The following RFC3 variants were observed in gnomAD, a reference collection of about 807,000 sequenced individuals.
The protein encoded by RFC3 is replication factor C subunit 3.
RFC3 carries 41 observed loss-of-function variants against 45.1 expected under a neutral mutation model. That is an observed-to-expected ratio of 0.91 (90% CI 0.71 to 1.18). RFC3 has a LOEUF of 1.18. Ranked by LOEUF, RFC3 falls within the 50% of genes most tolerant of loss-of-function variation. RFC3 has a pLI of 0.00. For synonymous variants in RFC3, 149 were observed against 144.0 expected (o/e 1.03, Z -0.25); for missense variants, 423 against 428.1 (o/e 0.99, Z 0.10).
At chr13:33,928,329 G>A (rs570008999) in intron 8 of RFC3, among the ~76,000 whole-genome samples, 7 of 152,202 alleles carry the variant, frequency 4.6e-5, no homozygotes, top group Admixed American at 4.6e-4. Flanking sequence ...ATGTATTTAC[G>A]CAGTTATATC....
At chr13:33,826,421 A>G (rs1320207111) in intron 4 of RFC3, among the ~76,000 whole-genome samples, 1 of 152,180 alleles carries the variant, frequency 6.6e-6, no homozygotes, top group Non-Finnish European at 1.5e-5. Flanking sequence ...ACATTTACCA[A>G]CACTGAGGAT....
chr13:33,968,459 A>G (rs544039246), downstream of RFC3, among the ~76,000 whole-genome samples: 2 of 152,192 alleles, frequency 1.3e-5, no homozygotes, highest in Non-Finnish European at 2.9e-5. Flanking sequence ...AGCTGAGAAC[A>G]TGGGGATCAG....
intron 8 of RFC3, among the ~76,000 whole-genome samples, chr13:33,943,116 C>T (rs1055481245): frequency 6.6e-6 from 1 of 152,116 alleles, no homozygotes; most frequent in African/African-American, 2.4e-5. Context: ...TTATTAATGA[C>T]ATTTCATAAT....
chr13:33,897,062 A>C (rs1440515278), intron 8 of RFC3, among the ~76,000 whole-genome samples: 2 of 152,128 alleles, frequency 1.3e-5, no homozygotes, highest in Non-Finnish European at 2.9e-5. Context: ...AAATTTGAAG[A>C]TATAAAACCC....
chr13:33,958,818 ACC>A (rs1255858322), intron 8 of RFC3, among the ~76,000 whole-genome samples: 2 of 151,908 alleles, frequency 1.3e-5, no homozygotes, highest in Admixed American at 1.3e-4. Context: ...TGGCTGCCCT[ACC>A]CCCATGATTA....
rs1039044127 is a variant in RFC3 at position 33,922,672 on chromosome 13, G to A, written c.880-43415G>A. Among the ~76,000 whole-genome samples, 5 of 152,200 alleles carry A rather than the reference G, an allele frequency of 3.3e-5. No individual in the cohort carries two copies. In the South Asian group the frequency reaches 1.0e-3, roughly 32 times the overall value. ...TTTTAGTTTGTGCTGTTATGAAAAA[G>A]TAGCTAGTCAAATAATCTTGAATAT... On this transcript the variant is annotated intron_variant, in intron 8 of 8. Transcript: ENST00000434425.
chr13:33,840,451 C>A (rs1293071947), downstream of RFC3, among the ~76,000 whole-genome samples: 1 of 152,104 alleles, frequency 6.6e-6, no homozygotes, highest in African/African-American at 2.4e-5. Context: ...ATTTCTGGAT[C>A]TGTTTCTATT....
chr13:33,842,052 C>T (rs899881267), downstream of RFC3, among the ~76,000 whole-genome samples: 4 of 152,002 alleles, frequency 2.6e-5, no homozygotes, highest in East Asian at 3.8e-4. Context: ...GAGGCTGAGG[C>T]GGGAAAGTTG....
intron 8 of RFC3, among the ~76,000 whole-genome samples, chr13:33,876,686 G>A (rs2082449152): frequency 6.6e-6 from 1 of 152,180 alleles, no homozygotes; most frequent in African/African-American, 2.4e-5. Context: ...CTCCAAAAAT[G>A]TGTACATTTT....
At chr13:33,899,138 A>C (rs2082620856) in intron 8 of RFC3, among the ~76,000 whole-genome samples, 2 of 150,716 alleles carry the variant, frequency 1.3e-5, no homozygotes, top group Admixed American at 6.6e-5. Flanking sequence ...AAGAGGAGAA[A>C]ATACTTTAAA....
downstream of RFC3, among the ~76,000 whole-genome samples, chr13:33,968,389 C>A (rs2137881590): frequency 6.6e-6 from 1 of 152,246 alleles, no homozygotes; most frequent in Admixed American, 6.5e-5. Context: ...CGGCCTCCTG[C>A]AGTGCTGGGA....
intron 8 of RFC3, among the ~76,000 whole-genome samples, chr13:33,888,226 C>A (rs1165006380): frequency 6.6e-6 from 1 of 152,118 alleles, no homozygotes; most frequent in Non-Finnish European, 1.5e-5. Context: ...GAGTTTCTTC[C>A]ACTGGCATGC....
chr13:33,876,462 TTAAC>T (rs1345241258), intron 8 of RFC3, among the ~76,000 whole-genome samples: 3 of 152,370 alleles, frequency 2.0e-5, no homozygotes, highest in South Asian at 2.1e-4. Context: ...CTTAAAAACT[TTAAC>T]TCAGTGAGAG....
At chr13:33,922,248 A>T (rs948564611) in intron 8 of RFC3, among the ~76,000 whole-genome samples, 2 of 149,604 alleles carry the variant, frequency 1.3e-5, no homozygotes, top group Non-Finnish European at 3.0e-5. Flanking sequence ...ATCCATTTTG[A>T]GTGTATAATT....
chr13:33,871,839 G>A (rs969863695), intron 8 of RFC3, among the ~76,000 whole-genome samples: 2 of 150,974 alleles, frequency 1.3e-5, no homozygotes, highest in Non-Finnish European at 3.0e-5. Flanking sequence ...TGAGCAGAAG[G>A]GCCGGTATCC....
At chr13:33,914,801 C>A (rs1326490795) in intron 8 of RFC3, among the ~76,000 whole-genome samples, 4 of 152,002 alleles carry the variant, frequency 2.6e-5, no homozygotes, top group African/African-American at 9.7e-5. Context: ...TTTATGATCT[C>A]ATAAATAAGG....
At chr13:33,833,192 C>G (rs1464306529) in intron 7 of RFC3, among the ~76,000 whole-genome samples, 2 of 152,108 alleles carry the variant, frequency 1.3e-5, no homozygotes, top group African/African-American at 4.8e-5. Context: ...TGATTTCTGA[C>G]TCCTTTGTCT....
At chr13:33,896,304 T>C (rs2082598157) in intron 8 of RFC3, among the ~76,000 whole-genome samples, 1 of 151,928 alleles carries the variant, frequency 6.6e-6, no homozygotes, top group African/African-American at 2.4e-5. Flanking sequence ...GATGTAAATA[T>C]ACAGGTATAA....
At chr13:33,918,697 G>A (rs541489308) in intron 8 of RFC3, among the ~76,000 whole-genome samples, 3 of 152,146 alleles carry the variant, frequency 2.0e-5, no homozygotes, top group African/African-American at 7.2e-5. Flanking sequence ...AGGGCATTGC[G>A]ACAAAAACCG....
Sources: allele counts gnomAD v4.1 joint callset (sites outside exome capture counted in the v4.1 genomes callset), GRCh38; gene constraint gnomAD v4.1.1; transcripts MANE v1.5; gene names NCBI Gene and HGNC (gene_info 2026-07-23, HGNC 2026-07-21).